Variants in NR3C2 observed in about 807,000 individuals in gnomAD.
The protein encoded by NR3C2 is mineralocorticoid receptor.
Under a neutral mutation model 86.4 loss-of-function variants are expected in NR3C2, and 15 were observed. That is an observed-to-expected ratio of 0.17 (90% CI 0.12 to 0.27). NR3C2 has a LOEUF of 0.27. Among genes scored for constraint, NR3C2 ranks in the 10% least tolerant of loss-of-function variants. The pLI, the probability that NR3C2 is intolerant of heterozygous loss-of-function variation, is 1.00. For missense variants in NR3C2, 960 were observed against 1,195.6 expected, an observed-to-expected ratio of 0.80 and a Z score of 2.91; for synonymous variants, 458 against 450.5, an observed-to-expected ratio of 1.02 and a Z score of -0.21.
intron 2 of NR3C2, among the ~76,000 whole-genome samples, chr4:148,316,594 A>C (rs1183796345): frequency 1.1e-4 from 17 of 152,164 alleles, no homozygotes; most frequent in Non-Finnish European, 2.9e-5. Context: ...CTCTCTTTGC[A>C]ATTTCTTTTA....
chr4:148,143,947 C>CAAAAAAAA (rs67177081), intron 6 of NR3C2, among the ~76,000 whole-genome samples: 24 of 64,332 alleles, frequency 3.7e-4, no homozygotes, highest in Non-Finnish European at 4.6e-4. Context: ...AACTCTGTCT[C>CAAAAAAAA]AAAAAAAAAA....
chr4:148,433,030 G>A (rs927173152), intron 2 of NR3C2, among the ~76,000 whole-genome samples: 1 of 152,102 alleles, frequency 6.6e-6, no homozygotes, highest in Non-Finnish European at 1.5e-5. Flanking sequence ...AATACATAAG[G>A]AATTTTGGAA....
At chr4:148,380,479 G>A (rs772591754) in intron 2 of NR3C2, among the ~76,000 whole-genome samples, 11 of 152,138 alleles carry the variant, frequency 7.2e-5, no homozygotes, top group Non-Finnish European at 1.5e-4. Flanking sequence ...CAATTGCTGG[G>A]TCACATGGGA....
chr4:148,247,321 C>T (rs1466151480), intron 3 of NR3C2, among the ~76,000 whole-genome samples: 2 of 152,130 alleles, frequency 1.3e-5, no homozygotes, highest in African/African-American at 2.4e-5. Flanking sequence ...CACATCTCAT[C>T]CCAATGGGTC....
At chr4:148,186,990 A>G (rs1167256657) in intron 4 of NR3C2, among the ~76,000 whole-genome samples, 3 of 15,462 alleles carry the variant, frequency 1.9e-4, no homozygotes, top group Non-Finnish European at 2.7e-4. Flanking sequence ...TGATGTGTGT[A>G]TGTATGTATA....
intron 2 of NR3C2, among the ~76,000 whole-genome samples, chr4:148,398,394 C>A (rs1055497623): frequency 3.9e-5 from 6 of 152,188 alleles, no homozygotes; most frequent in African/African-American, 1.2e-4. Flanking sequence ...GCAGTACATT[C>A]TTTTGATCAG....
At chr4:148,421,835 T>C (rs556464221) in intron 2 of NR3C2, among the ~76,000 whole-genome samples, 9 of 152,264 alleles carry the variant, frequency 5.9e-5, no homozygotes, top group Non-Finnish European at 1.0e-4. Flanking sequence ...CCTCTTCCAT[T>C]CTCAGGTACT....
At chr4:148,317,461 G>T (rs779613163) in intron 2 of NR3C2, among the ~76,000 whole-genome samples, 2 of 151,730 alleles carry the variant, frequency 1.3e-5, no homozygotes, top group East Asian at 3.9e-4. Flanking sequence ...CTTCATATCC[G>T]CAATATCCCA....
At chr4:148,349,435 G>T (rs1426129099) in intron 2 of NR3C2, among the ~76,000 whole-genome samples, 1 of 151,998 alleles carries the variant, frequency 6.6e-6, no homozygotes, top group African/African-American at 2.4e-5. Flanking sequence ...TGTTGGAAAT[G>T]CTGTCAAGGT....
chr4:148,237,053 A>G (rs116497221), intron 3 of NR3C2, among the ~76,000 whole-genome samples: 4,976 of 152,278 alleles, frequency 0.033, 98 homozygotes, highest in Middle Eastern at 0.096. Context: ...TTGTACCACA[A>G]ACATTCTTAT....
Position 148,160,953 on chromosome 4 carries a change from G to A in NR3C2, c.2015-6052C>T, listed in dbSNP as rs116851900. Among the ~76,000 whole-genome samples, 323 of 152,208 alleles carry A rather than the reference G, an allele frequency of 2.1e-3. 5 individuals are homozygous for A. Among genetic ancestry groups the A allele is most frequent in the Admixed American group, 0.012 (186 of 15,282 alleles). ...GAGAAGGAGTACTCTCAAAGATAGGGGGCAACTAAGTAATCTGGCCATGAA... is the reference window on the plus strand; with the variant it reads ...GAGAAGGAGTACTCTCAAAGATAGGAGGCAACTAAGTAATCTGGCCATGAA... On this transcript the variant is annotated intron_variant, in intron 4 of 8. Transcript: ENST00000358102.
chr4:148,418,285 CA>C (rs1384507805), intron 2 of NR3C2, among the ~76,000 whole-genome samples: 3 of 152,280 alleles, frequency 2.0e-5, no homozygotes, highest in African/African-American at 7.2e-5. Context: ...ATGAATATCA[CA>C]AAAACAAAAC....
intron 3 of NR3C2, among the ~76,000 whole-genome samples, chr4:148,245,196 C>T (rs59761460): frequency 0.015 from 2,314 of 152,236 alleles, 49 homozygotes; most frequent in African/African-American, 0.052. Flanking sequence ...GCACTGTGAA[C>T]AGCGATCATT....
At chr4:148,083,819 A>C (rs1730689013) in intron 8 of NR3C2, among the ~76,000 whole-genome samples, 1 of 152,184 alleles carries the variant, frequency 6.6e-6, no homozygotes, top group African/African-American at 2.4e-5. Context: ...AGTTTAGAGA[A>C]GAATATAAAT....
chr4:148,236,578 T>C (rs952885165), intron 3 of NR3C2, among the ~76,000 whole-genome samples: 7 of 152,174 alleles, frequency 4.6e-5, no homozygotes, highest in African/African-American at 1.7e-4. Flanking sequence ...TAGCATACCA[T>C]AAATAAAATA....
At chr4:148,249,454 A>C (rs1235892761) in intron 3 of NR3C2, among the ~76,000 whole-genome samples, 1 of 152,188 alleles carries the variant, frequency 6.6e-6, no homozygotes, top group African/African-American at 2.4e-5. Context: ...CTGATTTGCT[A>C]TAAGTGACCT....
chr4:148,201,578 A>T (rs542247216), intron 3 of NR3C2, among the ~76,000 whole-genome samples: 2 of 152,272 alleles, frequency 1.3e-5, no homozygotes, highest in East Asian at 3.9e-4. Context: ...CTGAATCACA[A>T]ACACCATTGC....
At chr4:148,100,617 TG>T (rs1296073410) in intron 8 of NR3C2, among the ~76,000 whole-genome samples, 1 of 152,230 alleles carries the variant, frequency 6.6e-6, no homozygotes, top group Non-Finnish European at 1.5e-5. Context: ...TGTTCACTGT[TG>T]TTAGCAATGA....
At chr4:148,423,787 C>T (rs1749397315) in intron 2 of NR3C2, among the ~76,000 whole-genome samples, 1 of 152,212 alleles carries the variant, frequency 6.6e-6, no homozygotes, top group South Asian at 2.1e-4. Flanking sequence ...ACTGCAACCT[C>T]CACTTCCCTA....
Sources: gnomAD v4.1 joint callset for allele counts (sites outside exome capture counted in the v4.1 genomes callset) on GRCh38, gnomAD v4.1.1 for gene constraint, MANE v1.5 for transcripts, NCBI Gene and HGNC (gene_info 2026-07-23, HGNC 2026-07-21) for gene names.